The following STK3 variants were observed in gnomAD, a reference collection of about 807,000 sequenced individuals.
The protein encoded by STK3 is serine/threonine kinase 3.
In STK3, 41 loss-of-function variants were observed where a neutral mutation model predicts 58.0. That is an observed-to-expected ratio of 0.71 (90% CI 0.55 to 0.92). The LOEUF (loss-of-function observed/expected upper bound fraction) is 0.92. Ranked by LOEUF, STK3 falls within the 40% of genes least tolerant of loss-of-function variation. The pLI is 0.00. For synonymous variants in STK3, 170 were observed against 191.0 expected, an observed-to-expected ratio of 0.89 and a Z score of 0.91; for missense variants, 479 against 602.7, an observed-to-expected ratio of 0.79 and a Z score of 2.15.
intron 1 of STK3, among the ~76,000 whole-genome samples, chr8:98,816,349 A>C (rs1397281463): frequency 6.6e-6 from 1 of 152,126 alleles, no homozygotes; most frequent in African/African-American, 2.4e-5. Flanking sequence ...CCCCATGTCT[A>C]CAAATACACA....
chr8:98,706,846 C>G (rs1826003480), intron 5 of STK3, among the ~76,000 whole-genome samples: 2 of 152,166 alleles, frequency 1.3e-5, no homozygotes, highest in African/African-American at 4.8e-5. Flanking sequence ...ATCCACACTA[C>G]CATCATTAAA....
chr8:98,420,355 C>G (rs750864341), intron 3 of STK3, among the ~76,000 whole-genome samples: 46 of 152,166 alleles, frequency 3.0e-4, no homozygotes, highest in Admixed American at 7.2e-4. Flanking sequence ...GGCCCTAAAG[C>G]ACAAGAGTGG....
At chr8:98,687,999 A>G (rs1824128617) in intron 6 of STK3, among the ~76,000 whole-genome samples, 1 of 152,216 alleles carries the variant, frequency 6.6e-6, no homozygotes, top group South Asian at 2.1e-4. Flanking sequence ...TGGAAAAAAC[A>G]AACAAAATCC....
chr8:98,529,980 G>A (rs1428582630), intron 9 of STK3, among the ~76,000 whole-genome samples: 1 of 152,134 alleles, frequency 6.6e-6, no homozygotes, highest in African/African-American at 2.4e-5. Flanking sequence ...TTATGGAAGT[G>A]CTTAAGATTA....
intron 1 of STK3, among the ~76,000 whole-genome samples, chr8:98,447,993 A>T (rs1046775912): frequency 2.0e-5 from 3 of 147,856 alleles, no homozygotes; most frequent in Non-Finnish European, 3.0e-5. Context: ...ATAAAGCAAT[A>T]TAAACTGAAA....
At chr8:98,916,019 G>A (rs1276618032) in intron 1 of STK3, among the ~76,000 whole-genome samples, 1 of 151,958 alleles carries the variant, frequency 6.6e-6, no homozygotes, top group Non-Finnish European at 1.5e-5. Context: ...TTTATTCACT[G>A]TCTCAAATGC....
chr8:98,680,461 C>G (rs1823548725), intron 6 of STK3, among the ~76,000 whole-genome samples: 1 of 152,116 alleles, frequency 6.6e-6, no homozygotes, highest in South Asian at 2.1e-4. Flanking sequence ...ATAACAAAAG[C>G]CGATGCTATG....
chr8:98,758,017 G>A (rs1195826235), intron 3 of STK3, among the ~76,000 whole-genome samples: 1 of 152,170 alleles, frequency 6.6e-6, no homozygotes, highest in South Asian at 2.1e-4. Context: ...ATTATTAAAG[G>A]TTAGGGAAGA....
intron 4 of STK3, among the ~76,000 whole-genome samples, chr8:98,733,212 A>G (rs530850535): frequency 6.6e-6 from 1 of 152,344 alleles, no homozygotes; most frequent in East Asian, 1.9e-4. Context: ...AGTGAACGAA[A>G]AAAGAAAAAC....
chr8:98,649,056 C>CAA (rs199732980), intron 6 of STK3, among the ~76,000 whole-genome samples: 16 of 89,192 alleles, frequency 1.8e-4, no homozygotes, highest in Admixed American at 2.5e-4. Context: ...GACTCTGTCT[C>CAA]AAAAAAAAAA....
chr8:98,567,003 T>C (rs952385465), intron 8 of STK3, among the ~76,000 whole-genome samples: 1 of 152,068 alleles, frequency 6.6e-6, no homozygotes, highest in South Asian at 2.1e-4. Context: ...AACCAGAAAG[T>C]TTCATGGGCC....
At chr8:98,414,559 A>T (rs939841793) in intron 3 of STK3, among the ~76,000 whole-genome samples, 1 of 152,212 alleles carries the variant, frequency 6.6e-6, no homozygotes, top group African/African-American at 2.4e-5. Context: ...CTCTTTCCAC[A>T]TTGGGTTGCT....
chr8:98,633,637 C>T lies in STK3; in HGVS notation c.685-37468G>A, dbSNP rs571939612. The stretch of plus-strand genomic sequence containing the variant: ...AGGAACATTGGTGTTACAGCAGTGG[C>T]GTTTAATAAGGAACTTGATCCTGTA... On this transcript the variant is annotated intron_variant, in intron 6 of 10. Coordinates refer to ENST00000419617, the MANE Select transcript of STK3 (RefSeq NM_006281.4). 109 of 725,484 alleles carry T rather than the reference C, an allele frequency of 1.5e-4. No homozygotes were observed. In the African/African-American group the frequency reaches 1.5e-3, roughly 10 times the overall value. 44.9% of individuals were successfully genotyped at this position (725,484 alleles called of 1,614,324 possible).
the STK3 span, among the ~76,000 whole-genome samples, chr8:98,365,492 G>A: frequency 7.9e-5 from 12 of 152,216 alleles, no homozygotes; most frequent in African/African-American, 2.9e-4. Flanking sequence ...ATTTTTAAAA[G>A]GAAAAATCAC....
intron 1 of STK3, among the ~76,000 whole-genome samples, chr8:98,908,995 A>T (rs992342061): frequency 3.9e-5 from 6 of 152,176 alleles, no homozygotes; most frequent in African/African-American, 1.4e-4. Flanking sequence ...GTCTCTACTA[A>T]AAATACAAGA....
At chr8:98,663,905 A>G (rs1247445567) in intron 6 of STK3, among the ~76,000 whole-genome samples, 1 of 152,202 alleles carries the variant, frequency 6.6e-6, no homozygotes, top group Non-Finnish European at 1.5e-5. Context: ...TTTTCCTTAT[A>G]TATAAAATAC....
chr8:98,665,232 A>G (rs772108637), intron 6 of STK3, among the ~76,000 whole-genome samples: 2 of 152,234 alleles, frequency 1.3e-5, no homozygotes, highest in African/African-American at 2.4e-5. Context: ...CAGAGATCGT[A>G]TTAGAGAGAA....
intron 1 of STK3, among the ~76,000 whole-genome samples, chr8:98,910,258 T>C (rs1408793400): frequency 3.2e-4 from 48 of 152,364 alleles, no homozygotes; most frequent in Non-Finnish European, 2.9e-5. Flanking sequence ...TGTATTAATA[T>C]AACCACTTAT....
the STK3 span, among the ~76,000 whole-genome samples, chr8:98,355,174 A>G: frequency 1.3e-5 from 2 of 152,150 alleles, no homozygotes; most frequent in Admixed American, 6.5e-5. Context: ...ATTTGCCTGT[A>G]CAGCACTCCT....
Sources: allele counts gnomAD v4.1 joint callset (sites outside exome capture counted in the v4.1 genomes callset), GRCh38; gene constraint gnomAD v4.1.1; transcripts MANE v1.5; gene names NCBI Gene and HGNC (gene_info 2026-07-23, HGNC 2026-07-21).